Variants in PACS2 observed in about 807,000 individuals in gnomAD.
PACS2 encodes the protein phosphofurin acidic cluster sorting protein 2.
A neutral mutation model predicts 113.0 loss-of-function variants in PACS2; 36 were observed. The ratio of observed to expected loss-of-function variants is 0.32; its 90% CI spans 0.24 to 0.42. The LOEUF (loss-of-function observed/expected upper bound fraction) is 0.42, where lower values mean the gene tolerates loss of function less well. Among genes scored for constraint, PACS2 ranks in the 10% least tolerant of loss-of-function variants. The pLI is 1.00. For synonymous variants in PACS2, 589 were observed against 536.1 expected (o/e 1.10, Z -1.36); for missense variants, 1,015 against 1,239.5 (o/e 0.82, Z 2.72).
chr14:105,335,627 G>A (rs1018214500), intron 1 of PACS2, among the ~76,000 whole-genome samples: 6 of 152,192 alleles, frequency 3.9e-5, no homozygotes, highest in East Asian at 1.9e-4. Context: ...CCTAGCCCTC[G>A]GTGTAGTCTA....
At chr14:105,352,219 C>T (rs1399148357) in intron 2 of PACS2, among the ~76,000 whole-genome samples, 159 bp from the exon 3 acceptor site, 1 of 152,122 alleles carries the variant, frequency 6.6e-6, no homozygotes, top group Non-Finnish European at 1.5e-5. Context: ...GGGAAAGATG[C>T]CAGGGCACCT....
intron 20 of PACS2, 35 bp downstream of exon 20, chr14:105,390,038 G>T (rs191365304): frequency 1.3e-6 from 2 of 1,587,858 alleles, no homozygotes; most frequent in African/African-American, 1.3e-5. Flanking sequence ...ATGGGAAACC[G>T]CACACCTGCC....
At chr14:105,332,252 A>G (rs1373605252) in intron 1 of PACS2, among the ~76,000 whole-genome samples, 1 of 152,038 alleles carries the variant, frequency 6.6e-6, no homozygotes, top group East Asian at 1.9e-4. Flanking sequence ...TTCTCCTTCC[A>G]TGGGGAGCCC....
intron 4 of PACS2, among the ~76,000 whole-genome samples, chr14:105,363,932 GAGAC>G (rs149587053): frequency 6.6e-6 from 1 of 152,252 alleles, no homozygotes; most frequent in East Asian, 1.9e-4. Context: ...GGCCACAGGA[GAGAC>G]AGACATGGGA....
intron 1 of PACS2, among the ~76,000 whole-genome samples, chr14:105,316,880 AGGAGTTAATGGGC>A (rs2140791802): frequency 2.4e-5 from 3 of 124,438 alleles, no homozygotes; most frequent in African/African-American, 1.9e-4. Flanking sequence ...TAATGGGCGG[AGGAGTTAATGGGC>A]GGAGGGGCGA....
At chr14:105,359,837 C>G (rs1276060616) in intron 4 of PACS2, among the ~76,000 whole-genome samples, 1 of 152,156 alleles carries the variant, frequency 6.6e-6, no homozygotes, top group Non-Finnish European at 1.5e-5. Flanking sequence ...GCGATCCGCC[C>G]ACCTTGGTCT....
intron 1 of PACS2, among the ~76,000 whole-genome samples, chr14:105,339,751 A>G (rs1555401254): frequency 1.3e-5 from 2 of 152,140 alleles, no homozygotes; most frequent in African/African-American, 2.4e-5. Flanking sequence ...TTAATTGAAT[A>G]TTAACAAAAG....
chr14:105,389,811 G>A (rs371515013), intron 19 of PACS2, 150 bp from the exon 20 acceptor site: 88 of 728,682 alleles, frequency 1.2e-4, no homozygotes, highest in African/African-American at 6.9e-4. Flanking sequence ...GGGTGGGGCC[G>A]GGACACACAG....
At chr14:105,310,115 ATAG>A (rs2058307955), upstream of PACS2, among the ~76,000 whole-genome samples, 1 of 152,000 alleles carries the variant, frequency 6.6e-6, no homozygotes, top group Non-Finnish European at 1.5e-5. Flanking sequence ...ACAATTCGTG[ATAG>A]TAGTGACAAC....
chr14:105,307,199 C>T lies in PACS2; in HGVS notation c.-83+6220C>T, dbSNP rs116565256. ...TACTGAGATCCCAGGCTTGAGCCAC[C>T]GTGCAGGCTGAGCATACCTTTGATA... On this transcript the variant is annotated intron_variant, in intron 1 of 23. Transcript: ENST00000430725. Among the ~76,000 whole-genome samples the T allele has an allele frequency of 7.0e-3, 1,063 of 152,128 alleles. 11 individuals carry two copies. Among genetic ancestry groups the T allele is most frequent in the African/African-American group, 0.024 (992 of 41,490 alleles).
chr14:105,352,310 G>T (rs782671366), intron 2 of PACS2, 68 bp from the exon 3 acceptor site: 1 of 989,564 alleles, frequency 1.0e-6, no homozygotes, highest in Non-Finnish European at 1.6e-6. Context: ...CAGGAGTCAC[G>T]GTGTCTTTGC....
chr14:105,334,102 C>T (rs1246145641), intron 1 of PACS2, among the ~76,000 whole-genome samples: 1 of 152,214 alleles, frequency 6.6e-6, no homozygotes, highest in Non-Finnish European at 1.5e-5. Context: ...TGGTCTAGAG[C>T]CTGGCCTGGC....
Position 105,365,562 on chromosome 14 carries a change from G to A in PACS2, c.424-1651G>A, listed in dbSNP as rs963691602. The stretch of plus-strand genomic sequence containing the variant: ...TGCCCTCCCACCTGAAGGAGGAAGC[G>A]AGCAGGGTTTTCTTAGGAGAAAAAG... On this transcript the variant is annotated intron_variant, in intron 4 of 24. Transcript: ENST00000447393. The surrounding 1 kb of genome is among the most constrained non-coding windows in gnomAD (Gnocchi z 5.1). Among the ~76,000 whole-genome samples, 2 of 152,080 alleles carry A rather than the reference G, an allele frequency of 1.3e-5. No individual in the cohort carries two copies. The highest frequency in any genetic ancestry group is 1.9e-4 in the East Asian group (1 of 5,186).
Position 105,367,952 on chromosome 14 carries a change from C to G in PACS2, c.587-122C>G, listed in dbSNP as rs76955182. 5,552 of 721,544 alleles carry G rather than the reference C, an allele frequency of 7.7e-3. 246 individuals carry two copies. In the African/African-American group the frequency reaches 0.086, roughly 11 times the overall value. 44.7% of individuals were successfully genotyped at this position (721,544 alleles called of 1,614,324 possible). On this transcript the variant is annotated intron_variant, in intron 5 of 24. Transcript: ENST00000447393. The stretch of plus-strand genomic sequence containing the variant: ...GCACCTGTGTCTGGAGCCCCTCTGT[C>G]CTGCATGGATCCACCTCCTCGCTGC...
intron 9 of PACS2, among the ~76,000 whole-genome samples, chr14:105,379,525 C>A (rs150094396): frequency 6.6e-6 from 1 of 152,174 alleles, no homozygotes; most frequent in East Asian, 1.9e-4. Context: ...GTTGGCCCAG[C>A]GCTTAGTGTT....
At chr14:105,390,249 A>G (rs1442894907) in intron 20 of PACS2, 1 of 550,608 alleles carries the variant, frequency 1.8e-6, no homozygotes, top group African/African-American at 1.9e-5. Flanking sequence ...AAGCAGAGAC[A>G]GGTCGGTGGG....
chr14:105,337,853 G>A (rs1259381734), intron 1 of PACS2, among the ~76,000 whole-genome samples: 1 of 152,224 alleles, frequency 6.6e-6, no homozygotes, highest in African/African-American at 2.4e-5. Context: ...TGGTTTGAAG[G>A]GGTGCCCACC....
chr14:105,367,464 C>A, intron 5 of PACS2, 89 bp downstream of exon 5: 3 of 1,375,384 alleles, frequency 2.2e-6, no homozygotes, highest in Non-Finnish European at 2.1e-6. Flanking sequence ...AACTGTCCAG[C>A]CTGGCTTAAG....
intron 4 of PACS2, among the ~76,000 whole-genome samples, chr14:105,363,314 A>G (rs1171294863): frequency 1.3e-5 from 2 of 152,254 alleles, no homozygotes; most frequent in African/African-American, 4.8e-5. Flanking sequence ...TCTTCTTCCA[A>G]TGGAAGGCTG....
Sources: gnomAD v4.1 joint callset for allele counts (sites outside exome capture counted in the v4.1 genomes callset) on GRCh38, gnomAD v4.1.1 for gene constraint, Gnocchi (gnomAD v3.1) non-coding constraint, MANE v1.5 for transcripts, NCBI Gene and HGNC (gene_info 2026-07-23, HGNC 2026-07-21) for gene names.